IGSF21: variants seen among roughly 807,000 people sequenced by gnomAD.
The protein encoded by IGSF21 is immunoglobin superfamily member 21, also known as immunoglobulin superfamily member 21.
A neutral mutation model predicts 46.8 loss-of-function variants in IGSF21; 28 were observed. The observed-to-expected ratio is 0.60, with a 90% confidence interval of 0.44 to 0.82. The LOEUF (loss-of-function observed/expected upper bound fraction) is 0.82. Ranked by LOEUF, IGSF21 falls within the 40% of genes least tolerant of loss-of-function variation. The pLI, the probability that IGSF21 is intolerant of heterozygous loss-of-function variation, is 0.00. For missense variants in IGSF21, 624 were observed against 665.5 expected (o/e 0.94, Z 0.69); for synonymous variants, 284 against 273.6 (o/e 1.04, Z -0.38).
intron 2 of IGSF21, among the ~76,000 whole-genome samples, chr1:18,260,747 A>T (rs960725138): frequency 3.9e-5 from 6 of 152,144 alleles, no homozygotes; most frequent in Admixed American, 6.5e-5. Flanking sequence ...GTCTTATGGA[A>T]AGTTCCTTCC....
At chr1:18,224,409 G>A (rs534642274) in intron 1 of IGSF21, among the ~76,000 whole-genome samples, 1 of 152,130 alleles carries the variant, frequency 6.6e-6, no homozygotes, top group East Asian at 1.9e-4. Context: ...TCCTCAGAAG[G>A]GCCTCCCAGG....
chr1:18,144,537 C>T (rs1264339671), intron 1 of IGSF21, among the ~76,000 whole-genome samples: 21 of 152,180 alleles, frequency 1.4e-4, no homozygotes, highest in Admixed American at 1.1e-3. Flanking sequence ...TAGCCTGGGT[C>T]CGGAACCCTC....
intron 1 of IGSF21, among the ~76,000 whole-genome samples, chr1:18,131,220 C>G (rs976249222): frequency 1.3e-5 from 2 of 152,160 alleles, no homozygotes; most frequent in African/African-American, 4.8e-5. Flanking sequence ...TTTTTCTTCA[C>G]GTGTCTCAGA....
At chr1:18,338,504 G>C (rs1303594339) in intron 4 of IGSF21, among the ~76,000 whole-genome samples, 1 of 152,122 alleles carries the variant, frequency 6.6e-6, no homozygotes, top group African/African-American at 2.4e-5. Context: ...GGACAGTGGG[G>C]AGAAGGAGAG....
chr1:18,365,775 G>T lies in IGSF21; in HGVS notation c.1015+78G>T. ...GAGAGCCTTGGAATAGGGTTCCTGG[G>T]CTGAGGACAGCCATGGAAAGGGGGA... On this transcript the variant is annotated intron_variant, in intron 6 of 9. Coordinates refer to ENST00000251296, the MANE Select transcript of IGSF21 (RefSeq NM_032880.5). The surrounding 1 kb of genome is among the most constrained non-coding windows in gnomAD (Gnocchi z 4.8). 1.6e-6 allele frequency: 2 copies of T among 1,215,674 alleles called. No homozygotes were observed. Among genetic ancestry groups the T allele is most frequent in the Non-Finnish European group, 2.3e-6 (2 of 866,410 alleles). The allele number at this position is 1,215,674 out of a possible 1,614,324, so 75.3% of individuals were successfully genotyped here. A position where few individuals can be genotyped will look rare whatever the true frequency, so the allele number is the denominator to read the frequency against.
intron 3 of IGSF21, among the ~76,000 whole-genome samples, chr1:18,302,618 C>T (rs898592320): frequency 6.6e-6 from 1 of 152,088 alleles, no homozygotes; most frequent in African/African-American, 2.4e-5. Flanking sequence ...CAGGCTTGCA[C>T]GGTGTTTTCA....
intron 2 of IGSF21, among the ~76,000 whole-genome samples, chr1:18,249,678 G>C (rs979706279): frequency 6.6e-6 from 1 of 152,180 alleles, no homozygotes; most frequent in Non-Finnish European, 1.5e-5. Context: ...ATGGCCCAGA[G>C]CCATGCAGCA....
intron 1 of IGSF21, among the ~76,000 whole-genome samples, chr1:18,196,926 T>A (rs1006510180): frequency 6.6e-6 from 1 of 152,118 alleles, no homozygotes; most frequent in African/African-American, 2.4e-5. Context: ...CCTGTCCAGA[T>A]GAGTGAAGGA....
At chr1:18,161,173 G>A (rs990246267) in intron 1 of IGSF21, among the ~76,000 whole-genome samples, 12 of 152,184 alleles carry the variant, frequency 7.9e-5, no homozygotes, top group Admixed American at 3.3e-4. Context: ...GTTTTAGCAC[G>A]GCCAGCCTCA....
intron 1 of IGSF21, among the ~76,000 whole-genome samples, chr1:18,140,757 G>C (rs938432382): frequency 6.6e-6 from 1 of 152,200 alleles, no homozygotes; most frequent in Non-Finnish European, 1.5e-5. Context: ...TGGCAGGGGG[G>C]ATCCCTCTTC....
At chr1:18,252,159 T>A (rs1378943431) in intron 2 of IGSF21, among the ~76,000 whole-genome samples, 2 of 148,896 alleles carry the variant, frequency 1.3e-5, no homozygotes, top group East Asian at 4.2e-4. Context: ...CATGCCATTC[T>A]CCTGCCTCAG....
At chr1:18,139,669 G>T (rs755164293) in intron 1 of IGSF21, among the ~76,000 whole-genome samples, 1 of 152,228 alleles carries the variant, frequency 6.6e-6, no homozygotes, top group Non-Finnish European at 1.5e-5. Context: ...TGTGACCTAG[G>T]CCTCATTATC....
chr1:18,204,806 G>A (rs2087109839), intron 1 of IGSF21, among the ~76,000 whole-genome samples: 1 of 152,188 alleles, frequency 6.6e-6, no homozygotes, highest in Non-Finnish European at 1.5e-5. Flanking sequence ...AGAGGCAGGG[G>A]GATGACTGAG....
chr1:18,148,075 C>CTT (rs1227323092), intron 1 of IGSF21, among the ~76,000 whole-genome samples: 1 of 150,950 alleles, frequency 6.6e-6, no homozygotes, highest in East Asian at 1.9e-4. Flanking sequence ...CCCTGTGGAA[C>CTT]TGTGAGTCCA....
At chr1:18,376,047 G>T in intron 6 of IGSF21, 1 of 387,084 alleles carries the variant, frequency 2.6e-6, no homozygotes, top group Non-Finnish European at 4.9e-6. Context: ...ACTGATGTGT[G>T]AACCCCCCAA....
intron 2 of IGSF21, among the ~76,000 whole-genome samples, chr1:18,241,127 G>A (rs1044431401): frequency 1.3e-5 from 2 of 152,210 alleles, no homozygotes; most frequent in Admixed American, 1.3e-4. Flanking sequence ...CCTGGGAGTT[G>A]AGAGGAGGGG....
At chr1:18,218,809 GA>G (rs2084479089) in intron 1 of IGSF21, among the ~76,000 whole-genome samples, 1 of 152,164 alleles carries the variant, frequency 6.6e-6, no homozygotes, top group African/African-American at 2.4e-5. Flanking sequence ...AGGCAGCTAT[GA>G]AAATGCTTGA....
At chr1:18,200,538 G>C (rs922563705) in intron 1 of IGSF21, among the ~76,000 whole-genome samples, 3 of 152,098 alleles carry the variant, frequency 2.0e-5, no homozygotes, top group South Asian at 4.2e-4. Context: ...GCATCCCTCC[G>C]GTCTCTGCCT....
intron 1 of IGSF21, chr1:18,115,809 G>A (rs2086181868): frequency 6.6e-6 from 1 of 150,572 alleles, no homozygotes; most frequent in Admixed American, 6.7e-5. Context: ...TGAGAAGGGA[G>A]GGAGGAAGAC....
Sources: gnomAD v4.1 joint callset for allele counts (sites outside exome capture counted in the v4.1 genomes callset) on GRCh38, gnomAD v4.1.1 for gene constraint, Gnocchi (gnomAD v3.1) non-coding constraint, MANE v1.5 for transcripts, NCBI Gene and HGNC (gene_info 2026-07-23, HGNC 2026-07-21) for gene names.